Variants in SLC4A8 observed in about 807,000 individuals in gnomAD.
SLC4A8 encodes electroneutral sodium bicarbonate exchanger 1.
Under a neutral mutation model 125.0 loss-of-function variants are expected in SLC4A8, and 40 were observed. The observed-to-expected ratio is 0.32, with a 90% CI of 0.25 to 0.42. The LOEUF is 0.42. Among genes scored for constraint, SLC4A8 ranks in the 10% least tolerant of loss-of-function variants. The pLI is 1.00. For synonymous variants in SLC4A8, 456 were observed against 476.0 expected (o/e 0.96, Z 0.55); for missense variants, 863 against 1,355.1 (o/e 0.64, Z 5.70).
At chr12:51,479,787 A>G (rs904221255) in intron 16 of SLC4A8, among the ~76,000 whole-genome samples, 2 of 151,998 alleles carry the variant, frequency 1.3e-5, no homozygotes, top group African/African-American at 4.8e-5. Flanking sequence ...TTGTAAAATC[A>G]ATGGTATAAA....
intron 11 of SLC4A8, among the ~76,000 whole-genome samples, 177 bp from the exon 12 acceptor site, chr12:51,469,437 C>T (rs535997545): frequency 6.6e-6 from 1 of 151,598 alleles, no homozygotes; most frequent in African/African-American, 2.4e-5. Context: ...TAAGTCATAC[C>T]CTTGGTTGCA....
At chr12:51,399,358 T>A (rs1592136569) in intron 1 of SLC4A8, among the ~76,000 whole-genome samples, 1 of 152,234 alleles carries the variant, frequency 6.6e-6, no homozygotes, top group Non-Finnish European at 1.5e-5. Flanking sequence ...CACCTAGTTT[T>A]CCTCCCCAAA....
In SLC4A8 at chr12:51,514,425, C is replaced by T. The variant is rs1378226008; in HGVS notation, c.*6987C>T. ...CGGCTTTTTCAAGCACCCCTTTCAC[C>T]TCTCTTTTCTGCCTTTTCCTCAGTC... is the stretch of plus-strand genomic sequence containing the variant. On this transcript the variant is annotated 3_prime_UTR_variant, in exon 25 of 25. Coordinates refer to ENST00000453097, the MANE Select transcript of SLC4A8 (RefSeq NM_001039960.3). 3.3e-5 allele frequency: 5 copies of T among 152,558 alleles called. No homozygotes were observed. The highest frequency in any genetic ancestry group is 7.3e-5 in the Non-Finnish European group (5 of 68,062). The allele number at this position is 152,558 out of a possible 1,614,324, so 9.5% of individuals were successfully genotyped here. A position where few individuals can be genotyped will look rare whatever the true frequency, so the allele number is the denominator to read the frequency against.
intron 1 of SLC4A8, among the ~76,000 whole-genome samples, chr12:51,429,666 C>A (rs1277033246): frequency 1.3e-5 from 2 of 151,812 alleles, no homozygotes; most frequent in Non-Finnish European, 2.9e-5. Context: ...CTATGTCCAG[C>A]TATTTTTTTT....
At chr12:51,457,582 T>C (rs1377431263) in intron 6 of SLC4A8, 43 bp downstream of exon 6, 5 of 1,558,952 alleles carry the variant, frequency 3.2e-6, no homozygotes, top group East Asian at 2.2e-5. Flanking sequence ...TAATAAGACA[T>C]TGGGAACTAG....
intron 16 of SLC4A8, among the ~76,000 whole-genome samples, chr12:51,482,145 C>G (rs1370494673): frequency 6.6e-6 from 1 of 151,988 alleles, no homozygotes; most frequent in Admixed American, 6.5e-5. Context: ...TGAAATTTGG[C>G]TTGCCAAATT....
intron 5 of SLC4A8, 139 bp downstream of exon 5, chr12:51,453,838 C>G: frequency 3.8e-5 from 19 of 498,220 alleles, no homozygotes; most frequent in East Asian, 8.9e-5. Flanking sequence ...CCTCAATGTC[C>G]TTGGCTGTGG....
At chr12:51,457,633 C>G (rs932351641) in intron 6 of SLC4A8, 94 bp downstream of exon 6, 20 of 1,187,424 alleles carry the variant, frequency 1.7e-5, no homozygotes, top group Middle Eastern at 5.1e-4. Context: ...CTGTATTTGT[C>G]TAATATGTTT....
chr12:51,422,140 A>C (rs1181835026), upstream of SLC4A8: 1 of 152,230 alleles, frequency 6.6e-6, no homozygotes, highest in African/African-American at 2.4e-5. Flanking sequence ...CCTGACCTTG[A>C]GTAAGTTGCT....
At chr12:51,446,055 G>A (rs1949764968) in intron 2 of SLC4A8, among the ~76,000 whole-genome samples, 1 of 152,178 alleles carries the variant, frequency 6.6e-6, no homozygotes, top group African/African-American at 2.4e-5. Context: ...ATTTTATTAA[G>A]ATGGTATTCA....
At chr12:51,416,206 C>CTT (rs1436179228) in intron 1 of SLC4A8, among the ~76,000 whole-genome samples, 3 of 45,556 alleles carry the variant, frequency 6.6e-5, no homozygotes, top group African/African-American at 2.8e-4. Context: ...TGATGGAGGT[C>CTT]TTTTGTTTTT....
At chr12:51,496,234 A>G (rs750605947) in intron 21 of SLC4A8, among the ~76,000 whole-genome samples, 1 of 152,224 alleles carries the variant, frequency 6.6e-6, no homozygotes, top group African/African-American at 2.4e-5. Flanking sequence ...ATGTACTTGA[A>G]TTTAATAAGC....
At chr12:51,498,879 C>CAAA (rs1179044009) in intron 22 of SLC4A8, among the ~76,000 whole-genome samples, 17,644 of 35,784 alleles carry the variant, frequency 0.49, 4,886 homozygotes, top group South Asian at 0.53. Flanking sequence ...GATCCTGTCT[C>CAAA]AAAAAAAAAA....
At chr12:51,503,775 T>G (rs1465666015) in intron 22 of SLC4A8, among the ~76,000 whole-genome samples, 1 of 152,244 alleles carries the variant, frequency 6.6e-6, no homozygotes, top group Non-Finnish European at 1.5e-5. Context: ...GCTATATTTG[T>G]AGTAAATTGG....
At chr12:51,497,417 C>A in intron 22 of SLC4A8, 1 of 265,674 alleles carries the variant, frequency 3.8e-6, no homozygotes, top group Non-Finnish European at 7.1e-6. Flanking sequence ...CAATGGCTCA[C>A]ATTCTTTCAA....
chr12:51,483,487 T>G (rs1951083218), intron 16 of SLC4A8, among the ~76,000 whole-genome samples: 1 of 151,102 alleles, frequency 6.6e-6, no homozygotes, highest in African/African-American at 2.4e-5. Flanking sequence ...TTTTTTTAAG[T>G]CAGTAGTGGT....
At chr12:51,431,219 G>A (rs1949174971) in intron 1 of SLC4A8, among the ~76,000 whole-genome samples, 1 of 152,074 alleles carries the variant, frequency 6.6e-6, no homozygotes, top group Non-Finnish European at 1.5e-5. Context: ...TCACGTTAAG[G>A]ATCCTTGTTA....
chr12:51,420,329 A>G (rs529248940), upstream of SLC4A8: 2 of 152,342 alleles, frequency 1.3e-5, no homozygotes, highest in East Asian at 3.9e-4. Flanking sequence ...GACAGTTCAC[A>G]TAGAACAAGA....
chr12:51,475,275 A>G (rs371087737), intron 16 of SLC4A8, 69 bp downstream of exon 16: 9 of 1,484,490 alleles, frequency 6.1e-6, no homozygotes, highest in East Asian at 2.3e-5. Flanking sequence ...CTCAGCCTTC[A>G]TGCTGCTTAT....
Sources: allele counts gnomAD v4.1 joint callset (sites outside exome capture counted in the v4.1 genomes callset), GRCh38; gene constraint gnomAD v4.1.1; transcripts MANE v1.5; gene names NCBI Gene and HGNC (gene_info 2026-07-23, HGNC 2026-07-21).